INTS12: variants seen among roughly 807,000 people sequenced by gnomAD.
The protein encoded by INTS12 is integrator complex subunit 12.
In INTS12, 13 loss-of-function variants were observed where a neutral mutation model predicts 41.6. The observed-to-expected ratio is 0.31, with a 90% confidence interval of 0.20 to 0.50. The LOEUF (loss-of-function observed/expected upper bound fraction) is 0.50. INTS12 is among the 20% of genes least tolerant of loss of function. INTS12 has a pLI of 0.98. For missense variants in INTS12, 432 were observed against 541.6 expected (o/e 0.80, Z 2.01); for synonymous variants, 199 against 191.4 (o/e 1.04, Z -0.33).
Position 105,699,945 on chromosome 4 carries a change from G to C in INTS12, c.61C>G (p.His21Asp), listed in dbSNP as rs765486460. The C allele has an allele frequency of 1.3e-6, 2 of 1,530,314 alleles. No homozygotes were observed. Among genetic ancestry groups the C allele is most frequent in the African/African-American group, 2.7e-5 (2 of 73,730 alleles). 94.8% of individuals were successfully genotyped at this position (1,530,314 alleles called of 1,614,324 possible). ...PIFLKALGFL[H>D]SKSKDSAEKL... ...TCAGCAGAATCTTTACTCTTTGAAT[G>C]CAAGAAACCTAGTGCTTTCAAAAAA... Residue 21 changes from histidine (H) to aspartate (D), a missense_variant, in exon 3 of 8, where the codon CAT (histidine) becomes GAT (aspartate). Physicochemically the swap from His to Asp is moderately conservative, Grantham distance 81. This residue lies in a region of INTS12 where 168 missense variants were observed against 198.9 expected (regional missense o/e 0.84). Transcript: ENST00000340139.
chr4:105,696,954 T>C (rs1278180151), intron 3 of INTS12, among the ~76,000 whole-genome samples: 1 of 152,234 alleles, frequency 6.6e-6, no homozygotes, highest in Non-Finnish European at 1.5e-5. Flanking sequence ...CTAATGATGT[T>C]GAGCAGCTTT....
intron 6 of INTS12, 100 bp downstream of exon 6, chr4:105,691,873 TTTA>T (rs1248802851): frequency 2.4e-6 from 2 of 835,714 alleles, no homozygotes; most frequent in African/African-American, 1.8e-5. Flanking sequence ...GCTTATATTA[TTTA>T]TTTTTTCAAT....
intron 5 of INTS12, 98 bp from the exon 6 acceptor site, chr4:105,692,233 C>A: frequency 8.2e-7 from 1 of 1,221,358 alleles, no homozygotes; most frequent in Non-Finnish European, 1.1e-6. Flanking sequence ...CCTGTAATCC[C>A]AGCACTTTGG....
At chr4:105,694,714 G>A (rs917078225) in intron 4 of INTS12, among the ~76,000 whole-genome samples, 1 of 152,104 alleles carries the variant, frequency 6.6e-6, no homozygotes, top group Non-Finnish European at 1.5e-5. Flanking sequence ...GAAAACATAC[G>A]GGATAATATA....
intron 3 of INTS12, among the ~76,000 whole-genome samples, chr4:105,699,353 C>T (rs978289035): frequency 6.6e-6 from 1 of 152,158 alleles, no homozygotes; most frequent in African/African-American, 2.4e-5. Flanking sequence ...ATTCTTTTCA[C>T]ATAAAGCTGC....
At chr4:105,707,257 TC>T (rs1242580879) in intron 1 of INTS12, among the ~76,000 whole-genome samples, 1 of 151,866 alleles carries the variant, frequency 6.6e-6, no homozygotes, top group Non-Finnish European at 1.5e-5. Context: ...TAATAGTCTC[TC>T]CATTCAAGGA....
At chr4:105,700,184 A>C (rs1316817237) in intron 2 of INTS12, 170 bp from the exon 3 acceptor site, 2 of 387,936 alleles carry the variant, frequency 5.2e-6, no homozygotes, top group East Asian at 7.9e-5. Context: ...CTTATTCCTG[A>C]CAGGCATTAT....
At chr4:105,685,009 T>C (rs191388127) in intron 7 of INTS12, among the ~76,000 whole-genome samples, 6 of 152,180 alleles carry the variant, frequency 3.9e-5, no homozygotes, top group South Asian at 2.1e-4. Flanking sequence ...TCAGGACACA[T>C]AGAAGTAATA....
chr4:105,698,690 A>G (rs1177696931), intron 3 of INTS12, among the ~76,000 whole-genome samples: 1 of 152,224 alleles, frequency 6.6e-6, no homozygotes, highest in Non-Finnish European at 1.5e-5. Context: ...TGCAATGAGA[A>G]TGGATAGAAG....
At position 105,700,089 on chromosome 4, in the gene INTS12, T is replaced by C. The variant is rs545806515; in HGVS notation, c.-9-75A>G. 2,067 of 1,078,190 alleles carry C rather than the reference T, an allele frequency of 1.9e-3. 2 individuals are homozygous for C. The highest frequency in any genetic ancestry group is 2.4e-3 in the Admixed American group (96 of 39,428). The allele number at this position is 1,078,190 out of a possible 1,614,324, so 66.8% of individuals were successfully genotyped here. On this transcript the variant is annotated intron_variant, in intron 2 of 7. Coordinates refer to ENST00000340139, the MANE Select transcript of INTS12 (RefSeq NM_020395.4). ...ATGTTAAAGTTTTACTTTTCTGTTT[T>C]TTAATTTGTAATAGATAATACTGTA...
At chr4:105,695,374 ATCAATATATAT>A in intron 4 of INTS12, 131 bp downstream of exon 4, 1 of 579,358 alleles carries the variant, frequency 1.7e-6, no homozygotes, top group Non-Finnish European at 2.8e-6. Flanking sequence ...ATCTATAGCT[ATCAATATATAT>A]TCACTGAGTG....
At chr4:105,702,908 C>A (rs188237763) in intron 2 of INTS12, 1 of 984,760 alleles carries the variant, frequency 1.0e-6, no homozygotes, top group East Asian at 1.1e-4. Flanking sequence ...TTTTCTGTTG[C>A]CTTCTCTAAT....
intron 6 of INTS12, among the ~76,000 whole-genome samples, chr4:105,690,012 C>A (rs1319485256): frequency 6.6e-6 from 1 of 152,322 alleles, no homozygotes; most frequent in Non-Finnish European, 1.5e-5. Flanking sequence ...CCAATGAATA[C>A]ATGCTCTTAC....
intron 4 of INTS12, among the ~76,000 whole-genome samples, chr4:105,695,037 A>ACCCCCCCCCCC (rs1276121745): frequency 1.6e-5 from 1 of 63,332 alleles, no homozygotes; most frequent in Non-Finnish European, 3.1e-5. Context: ...CAATCCTCCC[A>ACCCCCCCCCCC]CCCCCCACCC....
rs73837101 is a variant in INTS12, at chr4:105,700,361, C to T, written c.-9-347G>A. The T allele has an allele frequency of 6.0e-3, 945 of 156,224 alleles. 7 individuals carry two copies. The highest frequency in any genetic ancestry group is 0.021 in the African/African-American group (864 of 41,706). 9.7% of individuals were successfully genotyped at this position (156,224 alleles called of 1,614,324 possible). A position where few individuals can be genotyped will look rare whatever the true frequency, so the allele number is the denominator to read the frequency against. Reference sequence around the variant, plus strand: ...CAGTACATAGAACTTGATGGGTTTACGTCAAGTTTACTCTGTATCAAAATT... The same window carrying T: ...CAGTACATAGAACTTGATGGGTTTATGTCAAGTTTACTCTGTATCAAAATT... On this transcript the variant is annotated intron_variant, in intron 2 of 7. Transcript: ENST00000340139.
chr4:105,704,403 A>G (rs1240215124), intron 1 of INTS12, among the ~76,000 whole-genome samples: 1 of 152,230 alleles, frequency 6.6e-6, no homozygotes, highest in Non-Finnish European at 1.5e-5. Context: ...CAGCATAGGT[A>G]TCACGTCAGA....
chr4:105,691,830 C>T (rs1029251460), intron 6 of INTS12, 146 bp downstream of exon 6: 34 of 529,498 alleles, frequency 6.4e-5, no homozygotes, highest in Non-Finnish European at 9.5e-5. Context: ...ATATTAATCA[C>T]ATGTACATAC....
chr4:105,707,999 G>A (rs537650793), intron 1 of INTS12: 1 of 985,388 alleles, frequency 1.0e-6, no homozygotes, highest in Non-Finnish European at 1.2e-6. Context: ...CACATAGAGT[G>A]CAGTATTATC....
chr4:105,689,507 C>CTCT (rs372484470), intron 6 of INTS12, among the ~76,000 whole-genome samples: 2 of 152,232 alleles, frequency 1.3e-5, no homozygotes, highest in African/African-American at 4.8e-5. Context: ...CCCACATTTG[C>CTCT]TCTTGGTGTA....
Sources: gnomAD v4.1 joint callset for allele counts (sites outside exome capture counted in the v4.1 genomes callset) on GRCh38, gnomAD v4.1.1 for gene constraint, gnomAD v4.1.1 regional missense constraint, MANE v1.5 for transcripts, NCBI Gene and HGNC (gene_info 2026-07-23, HGNC 2026-07-21) for gene names.